Variants in KLHL4 observed in about 807,000 individuals in gnomAD.
KLHL4 encodes the protein kelch-like protein 4.
Under a neutral mutation model 45.8 loss-of-function variants are expected in KLHL4, and 17 were observed. The ratio of observed to expected loss-of-function variants is 0.37; its 90% CI spans 0.25 to 0.56. The LOEUF (loss-of-function observed/expected upper bound fraction) is 0.56, where lower values mean the gene tolerates loss of function less well. Ranked by LOEUF, KLHL4 falls within the 20% of genes least tolerant of loss-of-function variation. The pLI, the probability that KLHL4 is intolerant of heterozygous loss-of-function variation, is 0.79. For synonymous variants in KLHL4, 224 were observed against 189.9 expected, an observed-to-expected ratio of 1.18 and a Z score of -1.47; for missense variants, 544 against 544.9, an observed-to-expected ratio of 1.00 and a Z score of 0.02.
Position 87,635,554 on chromosome X carries a change from T to G in KLHL4, c.1713-9T>G. 1.7e-6 allele frequency: 2 copies of G among 1,193,540 alleles called. No individual in the cohort carries two copies. The highest frequency in any genetic ancestry group is 2.3e-6 in the Non-Finnish European group (2 of 879,926). ...ATATACATACACACAATTCTGTCTTTTTATCTAGATTATATGCTATTGGTG... is the reference window on the plus strand; with the variant it reads ...ATATACATACACACAATTCTGTCTTGTTATCTAGATTATATGCTATTGGTG... On this transcript the variant is annotated splice_polypyrimidine_tract_variant and intron_variant, in intron 8 of 10. Coordinates refer to ENST00000373119, the MANE Select transcript of KLHL4 (RefSeq NM_019117.5).
At chrX:87,645,531 C>T (rs1412001741) in intron 9 of KLHL4, among the ~76,000 whole-genome samples, 1 of 111,277 alleles carries the variant, frequency 9.0e-6, no homozygotes, top group African/African-American at 3.3e-5. Flanking sequence ...ACCATTTGAC[C>T]CAGCAATCCT....
chrX:87,633,180 G>A (rs1923152767), intron 7 of KLHL4, among the ~76,000 whole-genome samples: 1 of 111,209 alleles, frequency 9.0e-6, no homozygotes, highest in East Asian at 2.8e-4. Flanking sequence ...GATAGTGAAG[G>A]TGGGGAAAAA....
intron 1 of KLHL4, among the ~76,000 whole-genome samples, chrX:87,523,860 G>A (rs1478641375): frequency 9.0e-6 from 1 of 110,977 alleles, no homozygotes; most frequent in East Asian, 2.8e-4. Flanking sequence ...CTACTCGGGA[G>A]GCTGAGTTAG....
rs73232428 is a variant in KLHL4 at position 87,608,247 on chromosome X, T to G, written c.423-5630T>G. 4.9e-3 allele frequency among the ~76,000 whole-genome samples: 545 copies of G among 112,251 alleles called. 2 individuals carry two copies. Among genetic ancestry groups the G allele is most frequent in the Non-Finnish European group, 8.3e-3 (444 of 53,261 alleles). On this transcript the variant is annotated intron_variant, in intron 1 of 10. Transcript: ENST00000373119. ...GATTACTACAATACACTTGTAATTC[T>G]TCTTCCCATTTCCACCCTTGCCTCA...
rs758801437 is a variant in KLHL4, at chrX:87,523,427, A to G, written c.422+5112A>G. On this transcript the variant is annotated intron_variant, in intron 1 of 10. Coordinates refer to ENST00000373119, the MANE Select transcript of KLHL4 (RefSeq NM_019117.5). Reference sequence around the variant, plus strand: ...GAGCACTGGGGAACACTGGATCCTCAGTTAAAAAACTTAAGTCAAAATCAA... The same window carrying G: ...GAGCACTGGGGAACACTGGATCCTCGGTTAAAAAACTTAAGTCAAAATCAA... Among the ~76,000 whole-genome samples the G allele has an allele frequency of 3.6e-5, 4 of 111,764 alleles. No individual in the cohort carries two copies. In the South Asian group the frequency reaches 1.5e-3, roughly 42 times the overall value.
intron 9 of KLHL4, among the ~76,000 whole-genome samples, chrX:87,654,495 GTGTGTGTGTGTGTGTT>G (rs1923923684): frequency 9.0e-6 from 1 of 111,152 alleles, no homozygotes; most frequent in Non-Finnish European, 1.9e-5. Context: ...GTATATGTGT[GTGTGTGTGTGTGTGTT>G]TGTGTGTGTA....
intron 1 of KLHL4, among the ~76,000 whole-genome samples, chrX:87,530,866 A>T (rs1931254313): frequency 9.1e-6 from 1 of 109,451 alleles, no homozygotes; most frequent in African/African-American, 3.4e-5. Flanking sequence ...AAAATGGTTG[A>T]ACTAGTTTAC....
At chrX:87,523,034 G>T (rs1931034117) in intron 1 of KLHL4, among the ~76,000 whole-genome samples, 1 of 111,911 alleles carries the variant, frequency 8.9e-6, no homozygotes, top group African/African-American at 3.3e-5. Flanking sequence ...TATTATTTCT[G>T]ATATGTGAAA....
intron 1 of KLHL4, among the ~76,000 whole-genome samples, chrX:87,558,545 G>A (rs1167345277): frequency 3.6e-5 from 4 of 111,217 alleles, no homozygotes; most frequent in East Asian, 2.8e-4. Context: ...AGCCGAGTTC[G>A]GCCACTGTAC....
rs971351153 is a variant in KLHL4 at position 87,611,116 on chromosome X, T to C, written c.423-2761T>C. Among the ~76,000 whole-genome samples, 48 of 111,875 alleles carry C rather than the reference T, an allele frequency of 4.3e-4. 1 individual carries two copies. The highest frequency in any genetic ancestry group is 1.5e-3 in the African/African-American group (47 of 30,840). ...AAAGCTTCTGAGAATATAAATTCTA[T>C]TTAAATTAAAAAATTGCTTTTATTA... is the stretch of plus-strand genomic sequence containing the variant. On this transcript the variant is annotated intron_variant, in intron 1 of 10. Transcript: ENST00000373119.
At chrX:87,524,759 A>C (rs1931074992) in intron 1 of KLHL4, among the ~76,000 whole-genome samples, 1 of 112,342 alleles carries the variant, frequency 8.9e-6, no homozygotes, top group Admixed American at 9.5e-5. Context: ...TTGGTTACTT[A>C]ATTGTAACAT....
intron 1 of KLHL4, among the ~76,000 whole-genome samples, chrX:87,570,146 C>T (rs1932304943): frequency 9.0e-6 from 1 of 110,616 alleles, no homozygotes; most frequent in South Asian, 3.7e-4. Flanking sequence ...AAAATTAGTA[C>T]AAAAACAGAA....
intron 9 of KLHL4, among the ~76,000 whole-genome samples, chrX:87,644,525 C>T (rs1476574048): frequency 9.0e-6 from 1 of 110,745 alleles, no homozygotes; most frequent in African/African-American, 3.3e-5. Context: ...AAAATAGCAC[C>T]ATTATTCTTC....
intron 3 of KLHL4, 53 bp from the exon 4 acceptor site, chrX:87,617,879 A>T: frequency 2.0e-6 from 2 of 1,024,869 alleles, no homozygotes; most frequent in Non-Finnish European, 1.3e-6. Flanking sequence ...TAGTTGACGT[A>T]GTTTTTACTT....
intron 1 of KLHL4, among the ~76,000 whole-genome samples, chrX:87,556,966 C>T (rs934599377): frequency 1.6e-4 from 18 of 111,471 alleles, no homozygotes; most frequent in African/African-American, 5.5e-4. Context: ...GAATATCTTC[C>T]AGGCAATCCA....
chrX:87,660,328 T>G (rs1924148619), intron 9 of KLHL4, among the ~76,000 whole-genome samples: 1 of 111,740 alleles, frequency 8.9e-6, no homozygotes, highest in African/African-American at 3.3e-5. Flanking sequence ...AGGCATTGAA[T>G]TCTATTCTTA....
intron 9 of KLHL4, among the ~76,000 whole-genome samples, chrX:87,654,327 T>C (rs759018030): frequency 9.0e-6 from 1 of 111,398 alleles, no homozygotes; most frequent in African/African-American, 3.3e-5. Flanking sequence ...CTCCAGTGTC[T>C]ACTACTCCAC....
chrX:87,605,709 T>G (rs781303484), intron 1 of KLHL4, among the ~76,000 whole-genome samples: 39 of 111,421 alleles, frequency 3.5e-4, no homozygotes, highest in Non-Finnish European at 6.2e-4. Flanking sequence ...TCCAATTTGA[T>G]GCCTTTCATT....
chrX:87,554,762 G>A (rs1931928740), intron 1 of KLHL4, among the ~76,000 whole-genome samples: 1 of 102,383 alleles, frequency 9.8e-6, no homozygotes, highest in African/African-American at 3.6e-5. Context: ...ATGTTGAATA[G>A]GAGTGGTGAG....
Sources: gnomAD v4.1 joint callset for allele counts (sites outside exome capture counted in the v4.1 genomes callset) on GRCh38, gnomAD v4.1.1 for gene constraint, MANE v1.5 for transcripts, NCBI Gene and HGNC (gene_info 2026-07-23, HGNC 2026-07-21) for gene names.